SGCZ: variants seen among roughly 807,000 people sequenced by gnomAD.
The protein encoded by SGCZ is sarcoglycan zeta.
A neutral mutation model predicts 41.3 loss-of-function variants in SGCZ; 40 were observed. That is an observed-to-expected ratio of 0.97 (90% CI 0.75 to 1.26). The LOEUF is 1.26. SGCZ is among the 50% of genes most tolerant of loss of function. SGCZ has a pLI of 0.00. For missense variants in SGCZ, 552 were observed against 369.8 expected (o/e 1.49, Z -4.04); for synonymous variants, 206 against 137.5 (o/e 1.50, Z -3.49).
At chr8:14,689,168 T>C (rs1410615186) in intron 1 of SGCZ, among the ~76,000 whole-genome samples, 1 of 152,042 alleles carries the variant, frequency 6.6e-6, no homozygotes. Context: ...TTGAGATGAA[T>C]ATCAAAAGAA....
chr8:14,529,025 T>G (rs1272309283), intron 2 of SGCZ, among the ~76,000 whole-genome samples: 8 of 152,028 alleles, frequency 5.3e-5, no homozygotes, highest in African/African-American at 1.9e-4. Context: ...ATTCAATTCT[T>G]TCTCATCAAC....
chr8:14,580,468 T>C (rs1034546456), intron 1 of SGCZ, among the ~76,000 whole-genome samples: 1 of 152,094 alleles, frequency 6.6e-6, no homozygotes, highest in Non-Finnish European at 1.5e-5. Context: ...ATTATTCTTA[T>C]CATAATTATC....
At chr8:14,796,827 G>A (rs1029134342) in intron 1 of SGCZ, among the ~76,000 whole-genome samples, 2 of 152,040 alleles carry the variant, frequency 1.3e-5, no homozygotes, top group South Asian at 2.1e-4. Flanking sequence ...CGTTGGTTTC[G>A]CCCATGCTAC....
intron 1 of SGCZ, among the ~76,000 whole-genome samples, chr8:15,148,982 C>G (rs1440771193): frequency 2.0e-5 from 3 of 152,144 alleles, no homozygotes; most frequent in African/African-American, 7.2e-5. Flanking sequence ...CACAGATATA[C>G]TGCTGTGTGA....
At chr8:14,455,748 CAA>C (rs1462076550) in intron 2 of SGCZ, among the ~76,000 whole-genome samples, 1 of 152,126 alleles carries the variant, frequency 6.6e-6, no homozygotes, top group Non-Finnish European at 1.5e-5. Flanking sequence ...CACATTTACA[CAA>C]AAGAGTTCTT....
At chr8:14,784,007 T>G (rs922005077) in intron 1 of SGCZ, among the ~76,000 whole-genome samples, 1 of 152,060 alleles carries the variant, frequency 6.6e-6, no homozygotes, top group Admixed American at 6.5e-5. Context: ...ATTGTACCCT[T>G]TAAATAATTC....
intron 5 of SGCZ, among the ~76,000 whole-genome samples, chr8:14,135,159 G>A (rs1191490449): frequency 6.6e-6 from 1 of 152,020 alleles, no homozygotes; most frequent in Non-Finnish European, 1.5e-5. Flanking sequence ...GTGTTTCCTA[G>A]AATATAATAG....
chr8:14,821,414 C>G (rs1169007522), intron 1 of SGCZ, among the ~76,000 whole-genome samples: 12 of 151,950 alleles, frequency 7.9e-5, no homozygotes, highest in Admixed American at 7.9e-4. Flanking sequence ...TACCAATTAT[C>G]CTTAAACTCT....
Position 14,465,702 on chromosome 8 carries a change from C to T in SGCZ, c.234+89030G>A, listed in dbSNP as rs148693177. Among the ~76,000 whole-genome samples, 589 of 151,792 alleles carry T rather than the reference C, an allele frequency of 3.9e-3. 2 individuals are homozygous for T. The highest frequency in any genetic ancestry group is 8.2e-3 in the Admixed American group (124 of 15,200). On this transcript the variant is annotated intron_variant, in intron 2 of 7. Coordinates refer to ENST00000382080, the MANE Select transcript of SGCZ (RefSeq NM_139167.4). ...TGGTTGCCATGGGGATTATATTTAA[C>T]ATCTTAAAGTTATAGCACTTTAATT... is the stretch of plus-strand genomic sequence containing the variant.
At chr8:14,602,413 G>A (rs987078782) in intron 1 of SGCZ, among the ~76,000 whole-genome samples, 2 of 151,946 alleles carry the variant, frequency 1.3e-5, no homozygotes, top group Non-Finnish European at 1.5e-5. Flanking sequence ...TTGGGAGGCC[G>A]AGGTGGGAAG....
chr8:14,962,979 T>C (rs59462243), intron 1 of SGCZ, among the ~76,000 whole-genome samples: 1,693 of 152,310 alleles, frequency 0.011, 23 homozygotes, highest in African/African-American at 0.023. Flanking sequence ...GGGTTTACTT[T>C]AGGCAAAACT....
chr8:14,528,108 T>G (rs1218582268), intron 2 of SGCZ, among the ~76,000 whole-genome samples: 1 of 152,058 alleles, frequency 6.6e-6, no homozygotes, highest in African/African-American at 2.4e-5. Context: ...CTTGTACACA[T>G]AATACTTCTG....
intron 1 of SGCZ, among the ~76,000 whole-genome samples, chr8:14,833,773 C>A (rs1024059303): frequency 1.3e-5 from 2 of 151,676 alleles, no homozygotes; most frequent in Non-Finnish European, 2.9e-5. Flanking sequence ...AAAGAGGAGT[C>A]TTTCAATCTT....
intron 1 of SGCZ, among the ~76,000 whole-genome samples, chr8:14,613,156 G>C (rs746823349): frequency 1.1e-4 from 17 of 152,144 alleles, no homozygotes; most frequent in Non-Finnish European, 2.4e-4. Context: ...ATGCTGAGTG[G>C]GGGCCCTCCA....
intron 1 of SGCZ, among the ~76,000 whole-genome samples, chr8:15,139,174 A>G (rs1210954276): frequency 2.0e-5 from 3 of 152,230 alleles, no homozygotes; most frequent in Non-Finnish European, 4.4e-5. Context: ...ATATTATCAG[A>G]GAATAAGCAT....
Position 14,554,874 on chromosome 8 carries a change from G to A in SGCZ, c.92C>T (p.Thr31Ile). The A allele has an allele frequency of 6.2e-7, 1 of 1,612,872 alleles. No homozygotes were observed. Among genetic ancestry groups the A allele is most frequent in the Non-Finnish European group, 8.5e-7 (1 of 1,179,474 alleles). ...CACTGGGTAAAGTTGTGCATTCTCA[G>A]TCCTTGGCAGGTTATTCTGTTGGGT... is the stretch of plus-strand genomic sequence containing the variant. ...LATQQNNLPRTENAQLYPVGI... is the reference protein window; with the variant it reads ...LATQQNNLPRIENAQLYPVGI... The change falls in exon 2 of 8, where the codon ACT becomes ATT. Residue 31 changes from threonine to isoleucine, a missense_variant. Thr to Ile is a moderately conservative substitution (Grantham distance 89). Coordinates refer to ENST00000382080, the MANE Select transcript of SGCZ (RefSeq NM_139167.4).
chr8:14,091,912 G>C (rs1801700111), intron 7 of SGCZ, among the ~76,000 whole-genome samples: 1 of 152,100 alleles, frequency 6.6e-6, no homozygotes, highest in Non-Finnish European at 1.5e-5. Flanking sequence ...GAATGGCATT[G>C]CCTAAGTAAG....
chr8:14,293,672 C>G (rs35897399), intron 3 of SGCZ, among the ~76,000 whole-genome samples: 3 of 151,556 alleles, frequency 2.0e-5, no homozygotes, highest in Non-Finnish European at 3.0e-5. Context: ...GGTTAATTAA[C>G]GACTGAAATT....
rs1488742264 is a variant in SGCZ at position 14,490,363 on chromosome 8, T to C, written c.234+64369A>G. Among the ~76,000 whole-genome samples the C allele has an allele frequency of 6.6e-5, 10 of 152,296 alleles. No homozygotes were observed. The South Asian group carries it at 2.1e-3, about 32-fold the overall frequency. The stretch of plus-strand genomic sequence containing the variant: ...AATTTATGTCTTCTGTGCATTATAG[T>C]GTAAGTTATTGTAAGATAGAAATAT... On this transcript the variant is annotated intron_variant, in intron 2 of 7. Coordinates refer to ENST00000382080, the MANE Select transcript of SGCZ (RefSeq NM_139167.4).
Sources: allele counts gnomAD v4.1 joint callset (sites outside exome capture counted in the v4.1 genomes callset), GRCh38; gene constraint gnomAD v4.1.1; transcripts MANE v1.5; gene names NCBI Gene and HGNC (gene_info 2026-07-23, HGNC 2026-07-21).